The following OPCML variants were observed in gnomAD, a reference collection of about 807,000 sequenced individuals.
OPCML encodes opioid-binding protein/cell adhesion molecule.
Under a neutral mutation model 37.8 loss-of-function variants are expected in OPCML, and 13 were observed. That is an observed-to-expected ratio of 0.34 (90% CI 0.22 to 0.55). OPCML has a LOEUF of 0.55. Ranked by LOEUF, OPCML falls within the 20% of genes least tolerant of loss-of-function variation. OPCML has a pLI of 0.91. For synonymous variants in OPCML, 176 were observed against 168.8 expected, an observed-to-expected ratio of 1.04 and a Z score of -0.33; for missense variants, 341 against 435.6, an observed-to-expected ratio of 0.78 and a Z score of 1.93.
chr11:132,626,541 G>C lies in OPCML; in HGVS notation c.379+30546C>G, dbSNP rs1428208489. ...ATGAATTCAGATAAGGTGTATAGAA[G>C]ATAGGGAAAAGGCTTATAAAAATGA... On this transcript the variant is annotated intron_variant, in intron 3 of 7. Coordinates refer to ENST00000524381, the MANE Select transcript of OPCML (RefSeq NM_001012393.5). 2.0e-5 allele frequency among the ~76,000 whole-genome samples: 3 copies of C among 152,072 alleles called. No individual in the cohort carries two copies. The East Asian group carries it at 5.8e-4, about 29-fold the overall frequency.
chr11:133,180,926 T>C (rs543442461), intron 1 of OPCML, among the ~76,000 whole-genome samples: 1 of 151,700 alleles, frequency 6.6e-6, no homozygotes, highest in South Asian at 2.1e-4. Context: ...AAGTGTTATG[T>C]AGCAACTTTA....
chr11:132,550,516 A>G (rs569766802), intron 3 of OPCML, among the ~76,000 whole-genome samples: 4 of 152,314 alleles, frequency 2.6e-5, no homozygotes, highest in African/African-American at 9.6e-5. Context: ...CCCAAAAAGC[A>G]AGCAATGTCA....
chr11:132,715,046 G>A (rs1242062500), intron 2 of OPCML, among the ~76,000 whole-genome samples: 4 of 152,114 alleles, frequency 2.6e-5, no homozygotes, highest in African/African-American at 9.7e-5. Flanking sequence ...CCTGCTCATG[G>A]GCAAGGGAGG....
intron 1 of OPCML, chr11:133,007,645 T>C: frequency 1.0e-6 from 1 of 985,314 alleles, no homozygotes; most frequent in Non-Finnish European, 1.2e-6. Context: ...ATTTTTATTC[T>C]CTTTCAGTCT....
intron 2 of OPCML, among the ~76,000 whole-genome samples, chr11:132,781,955 T>TATATATATATATA (rs60644917): frequency 4.5e-5 from 2 of 43,986 alleles, no homozygotes; most frequent in African/African-American, 1.2e-4. Flanking sequence ...TATATATATA[T>TATATATATATATA]TTTTTTTTTT....
intron 1 of OPCML, among the ~76,000 whole-genome samples, chr11:133,353,760 A>G (rs1052776825): frequency 1.3e-5 from 2 of 152,170 alleles, no homozygotes; most frequent in African/African-American, 2.4e-5. Flanking sequence ...TTTATCCCAG[A>G]GCATCATGGG....
chr11:133,198,669 G>A (rs1271021640), intron 1 of OPCML, among the ~76,000 whole-genome samples: 2 of 152,236 alleles, frequency 1.3e-5, no homozygotes, highest in African/African-American at 4.8e-5. Context: ...GTACTAGCAT[G>A]TGGATTTTAC....
chr11:133,455,829 T>C (rs1212577299), intron 1 of OPCML, among the ~76,000 whole-genome samples: 1 of 152,184 alleles, frequency 6.6e-6, no homozygotes, highest in African/African-American at 2.4e-5. Context: ...GAATTCCCAC[T>C]GAAAAAAAGC....
At chr11:132,615,624 G>A (rs931855352) in intron 3 of OPCML, among the ~76,000 whole-genome samples, 10 of 152,140 alleles carry the variant, frequency 6.6e-5, no homozygotes, top group African/African-American at 2.4e-4. Flanking sequence ...TTATATGAGA[G>A]GAAGTTCATA....
intron 4 of OPCML, among the ~76,000 whole-genome samples, chr11:132,454,971 C>T (rs950774563): frequency 6.6e-6 from 1 of 152,148 alleles, no homozygotes; most frequent in Non-Finnish European, 1.5e-5. Flanking sequence ...CTAACCTTTT[C>T]CTGTGAGACA....
intron 3 of OPCML, among the ~76,000 whole-genome samples, chr11:132,583,612 T>C (rs2096466484): frequency 6.6e-6 from 1 of 152,032 alleles, no homozygotes; most frequent in South Asian, 2.1e-4. Flanking sequence ...AGGCTGATTT[T>C]TTATTTATTT....
At position 133,230,631 on chromosome 11, in the gene OPCML, TCAGTTAATCAGTCG is replaced by T. The variant is rs1940238093; in HGVS notation, c.62-287635_62-287622del. 3.3e-5 allele frequency among the ~76,000 whole-genome samples: 5 copies of T among 152,242 alleles called. No homozygotes were observed. In the South Asian group the frequency reaches 1.0e-3, roughly 32 times the overall value. Reference sequence around the variant, plus strand: ...TCCTAGAATGTTTGGTGGCCATAACTCAGTTAATCAGTCGCACGCAATAAAAGGCATCATAAAAG... The same window carrying T: ...TCCTAGAATGTTTGGTGGCCATAACTCACGCAATAAAAGGCATCATAAAAG... On this transcript the variant is annotated intron_variant, in intron 1 of 7. Transcript: ENST00000524381.
chr11:133,013,672 G>A (rs535405898), intron 1 of OPCML, among the ~76,000 whole-genome samples: 19 of 152,200 alleles, frequency 1.2e-4, no homozygotes, highest in Non-Finnish European at 2.5e-4. Context: ...ACTCAACAGT[G>A]TATAGTCAGG....
intron 1 of OPCML, among the ~76,000 whole-genome samples, chr11:133,307,200 T>C (rs963421699): frequency 3.3e-5 from 5 of 151,874 alleles, no homozygotes; most frequent in Non-Finnish European, 5.9e-5. Flanking sequence ...GGCAGCAACA[T>C]AGGTGGTAGT....
intron 1 of OPCML, among the ~76,000 whole-genome samples, chr11:133,509,725 T>C (rs1033957403): frequency 2.6e-5 from 4 of 152,222 alleles, no homozygotes; most frequent in Non-Finnish European, 5.9e-5. Context: ...TTAGAAGGCA[T>C]TGGCTTCTCT....
chr11:132,536,359 T>G (rs1219153689), intron 3 of OPCML, among the ~76,000 whole-genome samples: 1 of 152,318 alleles, frequency 6.6e-6, no homozygotes, highest in African/African-American at 2.4e-5. Context: ...TGAACACAAT[T>G]TTTTTCCTAC....
chr11:132,703,165 A>G (rs1943897376), intron 2 of OPCML, among the ~76,000 whole-genome samples: 1 of 152,182 alleles, frequency 6.6e-6, no homozygotes. Context: ...GTATACTCAC[A>G]CAAGCCTAGG....
intron 1 of OPCML, among the ~76,000 whole-genome samples, chr11:133,380,143 G>T (rs1036626375): frequency 6.6e-6 from 1 of 152,186 alleles, no homozygotes; most frequent in Admixed American, 6.5e-5. Context: ...ATAAATGACT[G>T]GCCAGAATAC....
intron 1 of OPCML, among the ~76,000 whole-genome samples, chr11:133,357,260 G>T (rs547906188): frequency 1.3e-5 from 2 of 152,158 alleles, no homozygotes; most frequent in Admixed American, 6.5e-5. Flanking sequence ...TTTGACCAGG[G>T]TTCAAACCTG....
Sources: gnomAD v4.1 joint callset for allele counts (sites outside exome capture counted in the v4.1 genomes callset) on GRCh38, gnomAD v4.1.1 for gene constraint, MANE v1.5 for transcripts, NCBI Gene and HGNC (gene_info 2026-07-23, HGNC 2026-07-21) for gene names.